Variants in DYNC2I1 observed in about 807,000 individuals in gnomAD.
The protein encoded by DYNC2I1 is cytoplasmic dynein 2 intermediate chain 1.
Under a neutral mutation model 133.4 loss-of-function variants are expected in DYNC2I1, and 89 were observed. The observed-to-expected ratio is 0.67, with a 90% CI of 0.56 to 0.80. The LOEUF is 0.80. Among genes scored for constraint, DYNC2I1 ranks in the 30% least tolerant of loss-of-function variants. The pLI is 0.00. For missense variants in DYNC2I1, 1,291 were observed against 1,314.5 expected (o/e 0.98, Z 0.28); for synonymous variants, 504 against 484.3 (o/e 1.04, Z -0.54).
chr7:158,940,966 A>G (rs1047647486), intron 23 of DYNC2I1, among the ~76,000 whole-genome samples: 3 of 152,348 alleles, frequency 2.0e-5, no homozygotes, highest in East Asian at 3.9e-4. Flanking sequence ...TAGTGGAAGG[A>G]AAGAAATAGT....
chr7:158,925,752 C>T (rs1849546957), intron 17 of DYNC2I1, among the ~76,000 whole-genome samples: 1 of 152,100 alleles, frequency 6.6e-6, no homozygotes, highest in Admixed American at 6.6e-5. Context: ...GGAGGTCTCC[C>T]CCATTTCCTG....
chr7:158,907,275 T>TC (rs1046712981), intron 11 of DYNC2I1, among the ~76,000 whole-genome samples: 1 of 97,352 alleles, frequency 1.0e-5, no homozygotes, highest in Non-Finnish European at 2.3e-5. Context: ...ATGGCCTTCT[T>TC]TTTTTTTTTT....
chr7:158,929,522 C>T (rs1263172911), intron 20 of DYNC2I1, among the ~76,000 whole-genome samples: 2 of 152,132 alleles, frequency 1.3e-5, no homozygotes, highest in African/African-American at 4.8e-5. Context: ...TGCCCACAGG[C>T]GGTGGCGTGG....
At chr7:158,857,904 C>A (rs780865106) in intron 1 of DYNC2I1, among the ~76,000 whole-genome samples, 13 of 151,940 alleles carry the variant, frequency 8.6e-5, no homozygotes, top group Non-Finnish European at 1.3e-4. Context: ...GATTCTCCTG[C>A]CTCAGCCTCC....
upstream of DYNC2I1, among the ~76,000 whole-genome samples, chr7:158,851,826 G>T (rs1011203512): frequency 6.6e-6 from 1 of 152,288 alleles, no homozygotes; most frequent in East Asian, 1.9e-4. Context: ...CCTCTAAAGA[G>T]CACCAGGCTA....
chr7:158,851,824 G>A (rs1841065919), upstream of DYNC2I1, among the ~76,000 whole-genome samples: 1 of 152,178 alleles, frequency 6.6e-6, no homozygotes, highest in Non-Finnish European at 1.5e-5. Flanking sequence ...ATCCTCTAAA[G>A]AGCACCAGGC....
chr7:158,920,172 C>A (rs564870722), intron 15 of DYNC2I1, among the ~76,000 whole-genome samples: 1 of 148,286 alleles, frequency 6.7e-6, no homozygotes, highest in African/African-American at 2.5e-5. Flanking sequence ...TGTGTGTGTA[C>A]CACAGCATGT....
At chr7:158,916,296 G>T (rs113809255) in intron 14 of DYNC2I1, among the ~76,000 whole-genome samples, 1 of 90,554 alleles carries the variant, frequency 1.1e-5, no homozygotes, top group African/African-American at 3.8e-5. Flanking sequence ...ACCTCGACAC[G>T]GTGGTTGAGA....
At chr7:158,865,696 T>G (rs900886464) in intron 1 of DYNC2I1, among the ~76,000 whole-genome samples, 1 of 152,188 alleles carries the variant, frequency 6.6e-6, no homozygotes, top group Non-Finnish European at 1.5e-5. Context: ...TGGGGAACTT[T>G]GCCCTTTGGT....
downstream of DYNC2I1, chr7:158,946,327 A>G (rs963250281): frequency 6.6e-6 from 1 of 152,260 alleles, no homozygotes; most frequent in African/African-American, 2.4e-5. Context: ...TCATACAAGT[A>G]AATAAACTCT....
chr7:158,918,067 A>T (rs947059851), intron 14 of DYNC2I1, among the ~76,000 whole-genome samples: 1 of 151,640 alleles, frequency 6.6e-6, no homozygotes, highest in East Asian at 1.9e-4. Flanking sequence ...CCGCCCTCCC[A>T]TATTCTGTCA....
At chr7:158,952,348 A>G (rs1852079416) in intron 4 of DYNC2I1, among the ~76,000 whole-genome samples, 1 of 152,246 alleles carries the variant, frequency 6.6e-6, no homozygotes, top group South Asian at 2.1e-4. Flanking sequence ...GATTCCAGGG[A>G]AAAAGTGGAC....
At chr7:158,896,978 A>G (rs1171351601) in intron 8 of DYNC2I1, among the ~76,000 whole-genome samples, 4 of 147,444 alleles carry the variant, frequency 2.7e-5, no homozygotes, top group South Asian at 4.3e-4. Context: ...AAAGAATTGT[A>G]TAATTTCTTT....
intron 1 of DYNC2I1, among the ~76,000 whole-genome samples, chr7:158,861,376 G>C (rs375188131): frequency 8.9e-4 from 135 of 152,230 alleles, no homozygotes; most frequent in African/African-American, 3.2e-3. Context: ...TTTCACTTGA[G>C]CTCCCCTAGC....
At chr7:158,851,081 GT>G in the DYNC2I1 span, among the ~76,000 whole-genome samples, 2 of 151,908 alleles carry the variant, frequency 1.3e-5, no homozygotes, top group East Asian at 1.9e-4. Context: ...GAGCAATTGG[GT>G]TTTGTGAGCA....
intron 21 of DYNC2I1, among the ~76,000 whole-genome samples, chr7:158,930,852 G>A (rs752857208): frequency 6.6e-6 from 1 of 152,010 alleles, no homozygotes; most frequent in Non-Finnish European, 1.5e-5. Context: ...ATTTTTAGTA[G>A]AGATGGGGTT....
chr7:158,851,488 G>T, the DYNC2I1 span, among the ~76,000 whole-genome samples: 185 of 151,938 alleles, frequency 1.2e-3, no homozygotes, highest in Non-Finnish European at 2.3e-3. Flanking sequence ...CACCATTGTA[G>T]TCCAGCCTGG....
At chr7:158,926,909 A>G in intron 19 of DYNC2I1, 83 bp from the exon 20 acceptor site, 2 of 1,029,560 alleles carry the variant, frequency 1.9e-6, no homozygotes, top group Non-Finnish European at 2.9e-6. Flanking sequence ...ATAGCACTCC[A>G]TCTTAATTAG....
At chr7:158,890,548 A>G (rs1845101401) in intron 7 of DYNC2I1, among the ~76,000 whole-genome samples, 1 of 152,132 alleles carries the variant, frequency 6.6e-6, no homozygotes, top group African/African-American at 2.4e-5. Flanking sequence ...CATGAATAAT[A>G]CTTTATACTG....
Sources: gnomAD v4.1 joint callset for allele counts (sites outside exome capture counted in the v4.1 genomes callset) on GRCh38, gnomAD v4.1.1 for gene constraint, MANE v1.5 for transcripts, NCBI Gene and HGNC (gene_info 2026-07-23, HGNC 2026-07-21) for gene names.